The following PCDHGA5 variants were observed in gnomAD, a reference collection of about 807,000 sequenced individuals.
The protein encoded by PCDHGA5 is protocadherin gamma subfamily A, 5.
Under a neutral mutation model 56.7 loss-of-function variants are expected in PCDHGA5, and 36 were observed. That is an observed-to-expected ratio of 0.64 (90% confidence interval 0.49 to 0.84). The LOEUF (loss-of-function observed/expected upper bound fraction) is 0.84. Among genes scored for constraint, PCDHGA5 ranks in the 40% least tolerant of loss-of-function variants. The pLI is 0.00. For missense variants in PCDHGA5, 1,305 were observed against 1,201.5 expected (o/e 1.09, Z -1.27); for synonymous variants, 563 against 520.2 (o/e 1.08, Z -1.12).
chr5:141,478,637 G>A (rs1227108157), intron 1 of PCDHGA5: 2 of 1,552,684 alleles, frequency 1.3e-6, no homozygotes, highest in Non-Finnish European at 1.7e-6. Context: ...TTTTAGTGAT[G>A]AAGATGTTTT....
chr5:141,482,859 G>A (rs1371172226), intron 1 of PCDHGA5, among the ~76,000 whole-genome samples: 3 of 148,230 alleles, frequency 2.0e-5, no homozygotes, highest in Admixed American at 6.7e-5. Flanking sequence ...ATCACTTGAG[G>A]TCAGGAGTTT....
Position 141,384,048 on chromosome 5 carries a change from C to A in PCDHGA5, c.2421+17297C>A, listed in dbSNP as rs111794989. 4,325 of 1,611,882 alleles carry A rather than the reference C, an allele frequency of 2.7e-3. 15 individuals carry two copies. Among genetic ancestry groups the A allele is most frequent in the Admixed American group, 9.3e-3 (555 of 59,694 alleles). ...ATTCTGGAAAGAATGGTGAGGTGACCTGCACCATTCCAGAAAACCTACCTT... is the reference window on the plus strand; with the variant it reads ...ATTCTGGAAAGAATGGTGAGGTGACATGCACCATTCCAGAAAACCTACCTT... On this transcript the variant is annotated intron_variant, in intron 1 of 3. Transcript: ENST00000518069.
At chr5:141,502,203 C>G (rs1562205141) in intron 2 of PCDHGA5, among the ~76,000 whole-genome samples, 1 of 152,122 alleles carries the variant, frequency 6.6e-6, no homozygotes. Context: ...ATAGAATCCA[C>G]CAGCAGATTT....
intron 1 of PCDHGA5, among the ~76,000 whole-genome samples, chr5:141,467,707 G>A (rs1203906639): frequency 6.6e-6 from 1 of 152,140 alleles, no homozygotes; most frequent in Non-Finnish European, 1.5e-5. Flanking sequence ...TGTTGCCCAG[G>A]CTGGAGTGTA....
At chr5:141,439,207 C>A (rs1003519997) in intron 1 of PCDHGA5, among the ~76,000 whole-genome samples, 1 of 149,828 alleles carries the variant, frequency 6.7e-6, no homozygotes, top group Non-Finnish European at 1.5e-5. Context: ...AAAAAAAAAT[C>A]CATATGTGAA....
intron 1 of PCDHGA5, among the ~76,000 whole-genome samples, chr5:141,459,534 T>G (rs980917458): frequency 1.3e-5 from 2 of 151,990 alleles, no homozygotes; most frequent in African/African-American, 2.4e-5. Flanking sequence ...TGTAGGCATA[T>G]TTTTTTTATT....
chr5:141,430,796 C>A, intron 1 of PCDHGA5: 1 of 1,522,232 alleles, frequency 6.6e-7, no homozygotes, highest in Middle Eastern at 1.8e-4. Context: ...CTACAAAGGG[C>A]TTGTCCTGCT....
rs1214425261 is a variant in PCDHGA5 at position 141,485,865 on chromosome 5, C to G, written c.2422-8942C>G. On this transcript the variant is annotated intron_variant, in intron 1 of 3. Coordinates refer to ENST00000518069, the MANE Select transcript of PCDHGA5 (RefSeq NM_018918.3). This position sits in a 1 kb window ranked among gnomAD's most constrained non-coding sequence, Gnocchi z 5.7. The stretch of plus-strand genomic sequence containing the variant: ...TCTGGCACCGCAGAGCTCCGGGTAT[C>G]CGTGCTGGACGTAAACGACAACGCC... The G allele has an allele frequency of 1.2e-6, 2 of 1,614,182 alleles. No individual in the cohort carries two copies.
chr5:141,365,971 G>A lies in PCDHGA5; in HGVS notation c.1641G>A (p.Ser547=), dbSNP rs769584831. 6 of 1,614,218 alleles carry A rather than the reference G, an allele frequency of 3.7e-6. No homozygotes were observed. In the South Asian group the frequency reaches 5.5e-5, roughly 15 times the overall value. The change falls in exon 1 of 4, where the codon TCG becomes TCA. Residue 547 remains serine (S), a synonymous_variant. Coordinates refer to ENST00000518069, the MANE Select transcript of PCDHGA5 (RefSeq NM_018918.3). ...SGNPPLSSNV[S]LSLFVLDQND... is the part of the protein sequence containing the mutation. ...ACCCTCCACTTAGCAGCAACGTGTCGCTGAGCCTGTTTGTGCTGGACCAGA... is the reference window on the plus strand; with the variant it reads ...ACCCTCCACTTAGCAGCAACGTGTCACTGAGCCTGTTTGTGCTGGACCAGA...
intron 1 of PCDHGA5, chr5:141,422,075 G>A (rs1192481253): frequency 1.9e-6 from 3 of 1,612,092 alleles, no homozygotes; most frequent in East Asian, 2.2e-5. Flanking sequence ...TATTCATTTC[G>A]GAACATGGAA....
At chr5:141,456,647 C>G (rs773458307) in intron 1 of PCDHGA5, among the ~76,000 whole-genome samples, 2 of 152,152 alleles carry the variant, frequency 1.3e-5, no homozygotes, top group African/African-American at 4.8e-5. Context: ...AGGTGTTAAT[C>G]CCAAAGAAGC....
At position 141,400,246 on chromosome 5, in the gene PCDHGA5, G is replaced by A. The variant is rs373890751; in HGVS notation, c.2421+33495G>A. On this transcript the variant is annotated intron_variant, in intron 1 of 3. Transcript: ENST00000518069. Reference sequence around the variant, plus strand: ...CTTCCTCCTGGCCGTGATTCTGGCCGTTGCCTTGCGCCTGCGACGCTCCTC... The same window carrying A: ...CTTCCTCCTGGCCGTGATTCTGGCCATTGCCTTGCGCCTGCGACGCTCCTC... 5.0e-5 allele frequency: 81 copies of A among 1,613,984 alleles called. No homozygotes were observed. The African/African-American group carries it at 6.0e-4, about 12-fold the overall frequency.
At chr5:141,409,690 A>G in intron 1 of PCDHGA5, 1 of 1,613,354 alleles carries the variant, frequency 6.2e-7, no homozygotes. Flanking sequence ...CGAGTGACCT[A>G]GAGCCCCTGG....
In PCDHGA5 at chr5:141,374,803, A is replaced by G. The variant is rs371815306; in HGVS notation, c.2421+8052A>G. The G allele has an allele frequency of 9.7e-5, 157 of 1,613,866 alleles. 1 individual carries two copies. Among genetic ancestry groups the G allele is most frequent in the Middle Eastern group, 1.6e-4 (1 of 6,084 alleles). On this transcript the variant is annotated intron_variant, in intron 1 of 3. Coordinates refer to ENST00000518069, the MANE Select transcript of PCDHGA5 (RefSeq NM_018918.3). ...TTCTAGATGTGAATGACAACACTCC[A>G]ATGTTTACTCAGCCTGTCTACCGTG...
chr5:141,389,194 C>A (rs760691972), intron 1 of PCDHGA5: 15 of 1,613,922 alleles, frequency 9.3e-6, no homozygotes, highest in Non-Finnish European at 1.0e-5. Context: ...TCCAGCATCA[C>A]CCTGCACATT....
intron 1 of PCDHGA5, chr5:141,400,775 C>T (rs2094072666): frequency 5.4e-6 from 3 of 559,824 alleles, no homozygotes; most frequent in South Asian, 5.1e-5. Context: ...ACATTTGGTG[C>T]GTTTTTTTGT....
chr5:141,495,424 A>C (rs927637242), intron 2 of PCDHGA5, among the ~76,000 whole-genome samples: 1 of 152,088 alleles, frequency 6.6e-6, no homozygotes, highest in African/African-American at 2.4e-5. Context: ...CCCTCCTCCC[A>C]CTGTCCTCTG....
intron 3 of PCDHGA5, among the ~76,000 whole-genome samples, chr5:141,508,439 T>C (rs1037512760): frequency 1.3e-5 from 2 of 152,188 alleles, no homozygotes; most frequent in African/African-American, 4.8e-5. Flanking sequence ...ACACAGTTCC[T>C]TAGTGGCAGA....
chr5:141,371,850 C>T (rs1366445794), intron 1 of PCDHGA5: 5 of 1,613,540 alleles, frequency 3.1e-6, no homozygotes, highest in Admixed American at 1.7e-5. Context: ...ACCTAATGGC[C>T]TTGTCTCCTA....
Sources: gnomAD v4.1 joint callset for allele counts (sites outside exome capture counted in the v4.1 genomes callset) on GRCh38, gnomAD v4.1.1 for gene constraint, Gnocchi (gnomAD v3.1) non-coding constraint, MANE v1.5 for transcripts, NCBI Gene and HGNC (gene_info 2026-07-23, HGNC 2026-07-21) for gene names.